Variants in AGBL4 observed in about 807,000 individuals in gnomAD.
AGBL4 encodes AGBL carboxypeptidase 4.
Under a neutral mutation model 66.4 loss-of-function variants are expected in AGBL4, and 58 were observed. The ratio of observed to expected loss-of-function variants is 0.87; its 90% CI spans 0.71 to 1.09. The LOEUF is 1.09. Among genes scored for constraint, AGBL4 ranks in the 50% least tolerant of loss-of-function variants. AGBL4 has a pLI of 0.00. For missense variants in AGBL4, 579 were observed against 631.0 expected (o/e 0.92, Z 0.88); for synonymous variants, 234 against 222.9 (o/e 1.05, Z -0.44).
intron 1 of AGBL4, among the ~76,000 whole-genome samples, chr1:50,000,933 T>C (rs1192345832): frequency 6.6e-6 from 1 of 151,858 alleles, no homozygotes; most frequent in African/African-American, 2.4e-5. Flanking sequence ...GGGTAAGGGA[T>C]AAAAAACTAC....
chr1:48,934,427 A>G (rs1228322656), intron 5 of AGBL4, among the ~76,000 whole-genome samples: 1 of 152,140 alleles, frequency 6.6e-6, no homozygotes, highest in Non-Finnish European at 1.5e-5. Flanking sequence ...CTAAAGTGAA[A>G]TTGGGAGGAT....
chr1:48,758,814 C>T, intron 6 of AGBL4: 1 of 1,274,538 alleles, frequency 7.8e-7, no homozygotes, highest in Non-Finnish European at 1.1e-6. Flanking sequence ...CACTTGGTCT[C>T]CCTCTCCCCT....
chr1:48,853,336 G>C (rs1273602349), intron 6 of AGBL4, among the ~76,000 whole-genome samples: 2 of 152,160 alleles, frequency 1.3e-5, no homozygotes, highest in Admixed American at 1.3e-4. Context: ...AAACCATCCA[G>C]CTAAGCTGTT....
rs532216020 is a variant in AGBL4, at chr1:49,226,432, A to G, written c.377+19338T>C. 3.6e-3 allele frequency among the ~76,000 whole-genome samples: 548 copies of G among 152,332 alleles called. 2 individuals carry two copies. Among genetic ancestry groups the G allele is most frequent in the Non-Finnish European group, 5.7e-3 (391 of 68,028 alleles). On this transcript the variant is annotated intron_variant, in intron 4 of 13. Coordinates refer to ENST00000371839, the MANE Select transcript of AGBL4 (RefSeq NM_032785.4). ...GCCTATTGGAGCTGCTATGGAAAGC[A>G]TCACATCTCTGGAGGTGGTTTGAAC... is the stretch of plus-strand genomic sequence containing the variant.
chr1:49,409,527 G>T (rs989553034), intron 3 of AGBL4, among the ~76,000 whole-genome samples: 1 of 152,064 alleles, frequency 6.6e-6, no homozygotes, highest in African/African-American at 2.4e-5. Flanking sequence ...CCTTAAAGAA[G>T]GCACAGCTGA....
chr1:49,434,925 G>T (rs1477397185), intron 3 of AGBL4, among the ~76,000 whole-genome samples: 3 of 151,918 alleles, frequency 2.0e-5, no homozygotes, highest in African/African-American at 7.3e-5. Context: ...GAGGTCTCGA[G>T]GGCCCACAGA....
chr1:49,096,880 GGA>G (rs1245579637), intron 4 of AGBL4, among the ~76,000 whole-genome samples: 1 of 151,942 alleles, frequency 6.6e-6, no homozygotes, highest in Non-Finnish European at 1.5e-5. Context: ...AGACAGAAGT[GGA>G]GAGAGATTTG....
At chr1:48,850,180 A>AT (rs1317741600) in intron 6 of AGBL4, among the ~76,000 whole-genome samples, 2 of 152,110 alleles carry the variant, frequency 1.3e-5, no homozygotes, top group African/African-American at 4.8e-5. Context: ...CAAATGGAGG[A>AT]TTTTACCTAT....
intron 3 of AGBL4, among the ~76,000 whole-genome samples, chr1:49,554,354 G>A (rs1571018225): frequency 6.6e-6 from 1 of 152,132 alleles, no homozygotes; most frequent in Non-Finnish European, 1.5e-5. Flanking sequence ...TTCTCAGGAA[G>A]AGCCTTGAAA....
chr1:49,558,342 TTTTG>T (rs1435611039), intron 3 of AGBL4, among the ~76,000 whole-genome samples: 2 of 151,990 alleles, frequency 1.3e-5, no homozygotes, highest in Non-Finnish European at 2.9e-5. Flanking sequence ...TGATTCTGTG[TTTTG>T]TTTGTTTTAT....
chr1:49,788,629 A>G (rs2147922739), intron 2 of AGBL4, among the ~76,000 whole-genome samples: 1 of 152,270 alleles, frequency 6.6e-6, no homozygotes, highest in Non-Finnish European at 1.5e-5. Flanking sequence ...ACAATGATGG[A>G]AATTTAAAAA....
intron 3 of AGBL4, among the ~76,000 whole-genome samples, chr1:49,470,971 A>C (rs965579174): frequency 6.6e-6 from 1 of 152,024 alleles, no homozygotes; most frequent in African/African-American, 2.4e-5. Flanking sequence ...GCTAAGCTCC[A>C]ATGTGGGGGC....
intron 1 of AGBL4, among the ~76,000 whole-genome samples, chr1:49,921,766 A>T (rs1652278609): frequency 6.6e-6 from 1 of 152,224 alleles, no homozygotes; most frequent in Admixed American, 6.5e-5. Flanking sequence ...GATGAAAGCC[A>T]GAAGACTAAG....
intron 3 of AGBL4, among the ~76,000 whole-genome samples, chr1:49,299,637 G>T (rs1044178904): frequency 6.6e-6 from 1 of 151,746 alleles, no homozygotes; most frequent in South Asian, 2.1e-4. Context: ...TCCTTTTCTG[G>T]TCCTGTCACA....
At chr1:49,714,607 T>C (rs932479238) in intron 2 of AGBL4, among the ~76,000 whole-genome samples, 133 of 147,702 alleles carry the variant, frequency 9.0e-4, no homozygotes, top group African/African-American at 2.8e-3. Context: ...CACACACACA[T>C]ATATATATAT....
intron 5 of AGBL4, among the ~76,000 whole-genome samples, chr1:49,027,504 G>T (rs1663812686): frequency 6.6e-6 from 1 of 152,152 alleles, no homozygotes; most frequent in East Asian, 1.9e-4. Flanking sequence ...GTCATTTAAA[G>T]CCATTTGAAC....
At chr1:48,816,708 T>C (rs532990781) in intron 6 of AGBL4, among the ~76,000 whole-genome samples, 74 of 152,322 alleles carry the variant, frequency 4.9e-4, no homozygotes, top group African/African-American at 1.5e-3. Flanking sequence ...TCTTCATGTG[T>C]ACATACAGTA....
At chr1:49,164,970 T>A (rs1646607225) in intron 4 of AGBL4, among the ~76,000 whole-genome samples, 1 of 152,132 alleles carries the variant, frequency 6.6e-6, no homozygotes, top group Non-Finnish European at 1.5e-5. Flanking sequence ...TCTCTACTCC[T>A]TTTATGGAAA....
intron 4 of AGBL4, among the ~76,000 whole-genome samples, chr1:49,186,604 G>T (rs1473671365): frequency 6.6e-6 from 1 of 152,184 alleles, no homozygotes; most frequent in African/African-American, 2.4e-5. Context: ...TTACAAGAGA[G>T]TGTGTACACA....
Sources: gnomAD v4.1 joint callset for allele counts (sites outside exome capture counted in the v4.1 genomes callset) on GRCh38, gnomAD v4.1.1 for gene constraint, MANE v1.5 for transcripts, NCBI Gene and HGNC (gene_info 2026-07-23, HGNC 2026-07-21) for gene names.